FBXO25: variants seen among roughly 807,000 people sequenced by gnomAD.
FBXO25 encodes the protein F-box protein 25.
A neutral mutation model predicts 51.9 loss-of-function variants in FBXO25; 45 were observed. The ratio of observed to expected loss-of-function variants is 0.87; its 90% CI spans 0.68 to 1.11. The LOEUF (loss-of-function observed/expected upper bound fraction) is 1.11. Among genes scored for constraint, FBXO25 ranks in the 50% most tolerant of loss-of-function variants. The probability of loss-of-function intolerance (pLI) is 0.00; values close to 1 mark genes in which losing one functional copy is unlikely to be tolerated. For synonymous variants in FBXO25, 199 were observed against 151.0 expected, an observed-to-expected ratio of 1.32 and a Z score of -2.33; for missense variants, 507 against 428.5, an observed-to-expected ratio of 1.18 and a Z score of -1.62.
intron 2 of FBXO25, among the ~76,000 whole-genome samples, chr8:417,553 A>G (rs1412493239): frequency 1.3e-5 from 2 of 152,208 alleles, no homozygotes; most frequent in African/African-American, 4.8e-5. Flanking sequence ...ATTAACTGAT[A>G]TAACATCTAA....
At chr8:418,333 CTT>C (rs1207244013) in intron 2 of FBXO25, among the ~76,000 whole-genome samples, 2 of 72,336 alleles carry the variant, frequency 2.8e-5, no homozygotes, top group African/African-American at 1.1e-4. Context: ...TTTGTTTGTT[CTT>C]TTTTTTTTTT....
chr8:463,045 T>C lies in FBXO25; in HGVS notation c.882T>C (p.Ile294=). The C allele has an allele frequency of 6.2e-7, 1 of 1,613,394 alleles. No individual in the cohort carries two copies. Residue 294 remains isoleucine (I), a synonymous_variant, in exon 9 of 10, where the codon ATT becomes ATC. Coordinates refer to ENST00000350302, the MANE Select transcript of FBXO25 (RefSeq NM_183420.2). ...TGATCCTTTCAGAAAAAGGTCATAT[T>C]GAATGGAAGTTGATGTACTTTGCAC... is the stretch of plus-strand genomic sequence containing the variant. The part of the protein sequence containing the change: ...RHLILSEKGH[I]EWKLMYFALQ...
intron 2 of FBXO25, among the ~76,000 whole-genome samples, chr8:419,451 T>C (rs1797020445): frequency 6.6e-6 from 1 of 152,202 alleles, no homozygotes; most frequent in East Asian, 1.9e-4. Context: ...GGCGAAAAGA[T>C]AGATACACAG....
intron 2 of FBXO25, among the ~76,000 whole-genome samples, chr8:423,140 A>G (rs1585019822): frequency 6.6e-6 from 1 of 150,482 alleles, no homozygotes; most frequent in Non-Finnish European, 1.5e-5. Context: ...TTCCATGGGC[A>G]ATTGGGACTA....
chr8:466,439 G>C (rs979998202), intron 9 of FBXO25, among the ~76,000 whole-genome samples: 1 of 152,242 alleles, frequency 6.6e-6, no homozygotes, highest in Non-Finnish European at 1.5e-5. Flanking sequence ...CTGGTGCTCA[G>C]AAAATGGCAC....
intron 2 of FBXO25, among the ~76,000 whole-genome samples, chr8:427,122 A>G (rs1297820220): frequency 1.3e-5 from 2 of 152,032 alleles, no homozygotes; most frequent in Non-Finnish European, 2.9e-5. Flanking sequence ...ATAAAAAGCT[A>G]AGTTTAGTAG....
rs1269293308 is a variant in FBXO25 at position 469,864 on chromosome 8, A to G, written c.*1060A>G. On this transcript the variant is annotated 3_prime_UTR_variant, in exon 10 of 10. Coordinates refer to ENST00000350302, the MANE Select transcript of FBXO25 (RefSeq NM_183420.2). The stretch of plus-strand genomic sequence containing the variant: ...AGCATAATAATAAAAGTATACTTTT[A>G]TGGCGTTATAAATAGGACTAAAAAA... The G allele has an allele frequency of 6.6e-6, 1 of 152,176 alleles. No homozygotes were observed. Among genetic ancestry groups the G allele is most frequent in the Non-Finnish European group, 1.5e-5 (1 of 68,022 alleles). 9.4% of individuals were successfully genotyped at this position (152,176 alleles called of 1,614,324 possible). A position where few individuals can be genotyped will look rare whatever the true frequency, so the allele number is the denominator to read the frequency against.
Position 414,751 on chromosome 8 carries a change from C to T in FBXO25, c.134+1538C>T, listed in dbSNP as rs775515846. ...AACCAATGGCTGCTAACACAAGCATCCCTGCGCAAAAAGGTTTTATGACAG... is the reference window on the plus strand; with the variant it reads ...AACCAATGGCTGCTAACACAAGCATTCCTGCGCAAAAAGGTTTTATGACAG... On this transcript the variant is annotated intron_variant, in intron 2 of 9. Transcript: ENST00000350302. Among the ~76,000 whole-genome samples, 26 of 152,306 alleles carry T rather than the reference C, an allele frequency of 1.7e-4. 1 individual carries two copies. The highest frequency in any genetic ancestry group is 3.8e-4 in the African/African-American group (16 of 41,570).
intron 5 of FBXO25, among the ~76,000 whole-genome samples, chr8:444,914 C>G (rs1001445982): frequency 6.6e-6 from 1 of 152,146 alleles, no homozygotes; most frequent in Non-Finnish European, 1.5e-5. Flanking sequence ...CCTAGCAATG[C>G]GTTTCTCGGA....
chr8:433,219 T>C (rs1047319403), intron 4 of FBXO25, among the ~76,000 whole-genome samples: 3 of 152,150 alleles, frequency 2.0e-5, no homozygotes, highest in Non-Finnish European at 4.4e-5. Context: ...GGTGTGTATG[T>C]ATGATTGTGC....
intron 4 of FBXO25, 151 bp from the exon 5 acceptor site, chr8:435,464 A>G: frequency 1.0e-6 from 1 of 973,948 alleles, no homozygotes; most frequent in South Asian, 1.7e-5. Flanking sequence ...CTATAATTTT[A>G]CTATACTCTC....
intron 5 of FBXO25, among the ~76,000 whole-genome samples, 199 bp from the exon 6 acceptor site, chr8:449,791 G>A (rs1042429512): frequency 6.6e-6 from 1 of 152,194 alleles, no homozygotes; most frequent in African/African-American, 2.4e-5. Flanking sequence ...GGCTGCGGCT[G>A]CCTCAGCTCC....
chr8:474,064 T>G lies in FBXO25; in HGVS notation c.*5260T>G, dbSNP rs1375397722. ...AGTTCAACTTTACAAGATGAACTTTTGTCATCTTGTAAAACTGAAGCTCTG... is the reference window on the plus strand; with the variant it reads ...AGTTCAACTTTACAAGATGAACTTTGGTCATCTTGTAAAACTGAAGCTCTG... On this transcript the variant is annotated 3_prime_UTR_variant, in exon 10 of 10. Transcript: ENST00000350302. The G allele has an allele frequency of 1.3e-5, 2 of 152,316 alleles. No individual in the cohort carries two copies. The highest frequency in any genetic ancestry group is 2.4e-5 in the African/African-American group (1 of 41,454). The allele number at this position is 152,316 out of a possible 1,614,324, so 9.4% of individuals were successfully genotyped here.
chr8:417,927 T>C (rs1796907085), intron 2 of FBXO25, among the ~76,000 whole-genome samples: 1 of 152,216 alleles, frequency 6.6e-6, no homozygotes, highest in South Asian at 2.1e-4. Flanking sequence ...AAATCTAAGG[T>C]CCTAATAGAA....
rs781588049 is a variant in FBXO25, at chr8:463,111, A to G, written c.948A>G (p.Thr316=). The change falls in exon 9 of 10, where the codon ACA becomes ACG. Residue 316 remains threonine, a synonymous_variant. Transcript: ENST00000350302. ...CAGCGAAGGAGCAGTACGGAGACACACTGCATTTCTGTCGGCACTGCAGCA... is the reference window on the plus strand; with the variant it reads ...CAGCGAAGGAGCAGTACGGAGACACGCTGCATTTCTGTCGGCACTGCAGCA... ...HYPAKEQYGD[T]LHFCRHCSIL... The G allele has an allele frequency of 1.9e-6, 3 of 1,613,714 alleles. No homozygotes were observed. Among genetic ancestry groups the G allele is most frequent in the Non-Finnish European group, 1.7e-6 (2 of 1,179,938 alleles).
At position 443,944 on chromosome 8, in the gene FBXO25, C is replaced by G. The variant is rs146065178; in HGVS notation, c.382-6046C>G. 8.4e-3 allele frequency among the ~76,000 whole-genome samples: 1,272 copies of G among 152,314 alleles called. 12 individuals are homozygous for G. The highest frequency in any genetic ancestry group is 0.029 in the African/African-American group (1,208 of 41,578). ...AAGCAGCAGAGCAGGAAGGCACAAG[C>G]ACAGATTGTGGGATCCCCCTGCTCT... On this transcript the variant is annotated intron_variant, in intron 5 of 9. Transcript: ENST00000350302.
Position 472,758 on chromosome 8 carries a change from C to T in FBXO25, c.*3954C>T, listed in dbSNP as rs140625722. On this transcript the variant is annotated 3_prime_UTR_variant, in exon 10 of 10. Coordinates refer to ENST00000350302, the MANE Select transcript of FBXO25 (RefSeq NM_183420.2). ...CTTTTAATGGTTTTTCTTTTCATTGCGAAGGCCTAACTTAGTAGATAAGTG... is the reference window on the plus strand; with the variant it reads ...CTTTTAATGGTTTTTCTTTTCATTGTGAAGGCCTAACTTAGTAGATAAGTG... The T allele has an allele frequency of 2.0e-4, 31 of 152,270 alleles. No homozygotes were observed. The highest frequency in any genetic ancestry group is 6.0e-4 in the African/African-American group (25 of 41,550). The allele number at this position is 152,270 out of a possible 1,614,324, so 9.4% of individuals were successfully genotyped here. A position where few individuals can be genotyped will look rare whatever the true frequency, so the allele number is the denominator to read the frequency against.
chr8:464,602 CAGAT>C lies in FBXO25; in HGVS notation c.987+1455_987+1458del, dbSNP rs759646362. On this transcript the variant is annotated intron_variant, in intron 9 of 9. Transcript: ENST00000350302. ...GCTTTACATTATCTATATTTGTTATCAGATAGGTCATACGGCAAACTCTAGGTTG... is the reference window on the plus strand; with the variant it reads ...GCTTTACATTATCTATATTTGTTATCAGGTCATACGGCAAACTCTAGGTTG... Among the ~76,000 whole-genome samples, 8 of 152,282 alleles carry C rather than the reference CAGAT, an allele frequency of 5.3e-5. No homozygotes were observed. In the East Asian group the frequency reaches 1.2e-3, roughly 22 times the overall value.
intron 8 of FBXO25, 36 bp downstream of exon 8, chr8:458,587 A>G (rs1799605109): frequency 6.2e-7 from 1 of 1,604,300 alleles, no homozygotes; most frequent in Non-Finnish European, 8.5e-7. Context: ...TCAGGCTGGG[A>G]GTTTATAGAC....
Sources: allele counts gnomAD v4.1 joint callset (sites outside exome capture counted in the v4.1 genomes callset), GRCh38; gene constraint gnomAD v4.1.1; transcripts MANE v1.5; gene names NCBI Gene and HGNC (gene_info 2026-07-23, HGNC 2026-07-21).